The following NXPH1 variants were observed in gnomAD, a reference collection of about 807,000 sequenced individuals.
NXPH1 encodes neurexophilin-1.
A neutral mutation model predicts 23.7 loss-of-function variants in NXPH1; 5 were observed. The observed-to-expected ratio is 0.21, with a 90% CI of 0.11 to 0.44. The LOEUF (loss-of-function observed/expected upper bound fraction) is 0.44, where lower values mean the gene tolerates loss of function less well. NXPH1 is among the 20% of genes least tolerant of loss of function. NXPH1 has a pLI of 0.99. For missense variants in NXPH1, 324 were observed against 321.6 expected, an observed-to-expected ratio of 1.01 and a Z score of -0.06; for synonymous variants, 144 against 122.2, an observed-to-expected ratio of 1.18 and a Z score of -1.18.
intron 2 of NXPH1, among the ~76,000 whole-genome samples, chr7:8,736,726 G>C (rs1025170813): frequency 6.6e-6 from 1 of 152,100 alleles, no homozygotes; most frequent in Non-Finnish European, 1.5e-5. Context: ...ATTGACAGTG[G>C]GGTGTTAAAG....
intron 2 of NXPH1, among the ~76,000 whole-genome samples, chr7:8,687,444 T>A (rs956611151): frequency 6.6e-6 from 1 of 152,180 alleles, no homozygotes; most frequent in South Asian, 2.1e-4. Flanking sequence ...AAAGTCAACA[T>A]GTAGACATTT....
intron 2 of NXPH1, among the ~76,000 whole-genome samples, chr7:8,653,638 A>C (rs1373547755): frequency 1.3e-5 from 2 of 152,170 alleles, no homozygotes; most frequent in Non-Finnish European, 2.9e-5. Flanking sequence ...CCAACAAGCT[A>C]TTCTATATAC....
intron 2 of NXPH1, among the ~76,000 whole-genome samples, chr7:8,677,688 A>T (rs749897849): frequency 2.0e-5 from 3 of 152,218 alleles, no homozygotes; most frequent in Non-Finnish European, 4.4e-5. Context: ...TTCCAACTAT[A>T]CAAGGCACTA....
At chr7:8,441,640 C>A (rs1284983388) in intron 2 of NXPH1, among the ~76,000 whole-genome samples, 1 of 152,112 alleles carries the variant, frequency 6.6e-6, no homozygotes, top group African/African-American at 2.4e-5. Context: ...TGAGGAAATG[C>A]CAACCCAGAT....
intron 2 of NXPH1, among the ~76,000 whole-genome samples, chr7:8,591,602 T>C (rs898847412): frequency 2.0e-5 from 3 of 152,076 alleles, no homozygotes; most frequent in African/African-American, 7.2e-5. Flanking sequence ...AACTTTGTGT[T>C]TCCATTCCAT....
At chr7:8,668,697 T>C (rs1292005061) in intron 2 of NXPH1, among the ~76,000 whole-genome samples, 1 of 152,184 alleles carries the variant, frequency 6.6e-6, no homozygotes, top group Non-Finnish European at 1.5e-5. Context: ...GACCTGGGTC[T>C]ACTAGAACAG....
chr7:8,603,352 T>C (rs988465583), intron 2 of NXPH1, among the ~76,000 whole-genome samples: 1 of 152,190 alleles, frequency 6.6e-6, no homozygotes, highest in African/African-American at 2.4e-5. Context: ...TATTACAGAG[T>C]GTTCTTAGTG....
At chr7:8,577,346 G>A (rs879939422) in intron 2 of NXPH1, among the ~76,000 whole-genome samples, 5 of 152,188 alleles carry the variant, frequency 3.3e-5, no homozygotes, top group Non-Finnish European at 7.3e-5. Flanking sequence ...GCAGGGGTAT[G>A]TGTCTTCTCC....
intron 2 of NXPH1, among the ~76,000 whole-genome samples, chr7:8,710,767 A>G (rs1779779892): frequency 7.7e-6 from 1 of 129,366 alleles, no homozygotes; most frequent in African/African-American, 3.4e-5. Context: ...GGTTCACGCC[A>G]TTCTCCTGCC....
chr7:8,665,943 C>A (rs1409468462), intron 2 of NXPH1, among the ~76,000 whole-genome samples: 1 of 53,632 alleles, frequency 1.9e-5, no homozygotes, highest in Non-Finnish European at 4.1e-5. Flanking sequence ...TTGAAGGAGT[C>A]TTTGGGTTTT....
At chr7:8,511,363 C>A (rs200433313) in intron 2 of NXPH1, among the ~76,000 whole-genome samples, 1 of 152,230 alleles carries the variant, frequency 6.6e-6, no homozygotes, top group East Asian at 1.9e-4. Flanking sequence ...CATTTCCTTT[C>A]TGCATGTGGA....
At chr7:8,724,583 C>T (rs930797628) in intron 2 of NXPH1, among the ~76,000 whole-genome samples, 1 of 152,190 alleles carries the variant, frequency 6.6e-6, no homozygotes, top group African/African-American at 2.4e-5. Context: ...TATCTTACAG[C>T]ATCTCTAGTC....
intron 2 of NXPH1, among the ~76,000 whole-genome samples, chr7:8,499,864 G>T (rs1305631018): frequency 6.6e-6 from 1 of 152,060 alleles, no homozygotes; most frequent in Non-Finnish European, 1.5e-5. Flanking sequence ...GAAGGACTGG[G>T]CCAGCAAAGA....
intron 2 of NXPH1, among the ~76,000 whole-genome samples, chr7:8,733,276 C>T (rs181465036): frequency 1.1e-3 from 164 of 152,298 alleles, no homozygotes; most frequent in African/African-American, 3.8e-3. Flanking sequence ...TCCAGTCTAT[C>T]ATTGATGGGC....
chr7:8,518,085 TA>T, intron 2 of NXPH1, among the ~76,000 whole-genome samples: 1 of 152,312 alleles, frequency 6.6e-6, no homozygotes, highest in Middle Eastern at 3.4e-3. Flanking sequence ...TGCCTTCATC[TA>T]AATTATGACA....
At chr7:8,596,797 C>T (rs1444754498) in intron 2 of NXPH1, among the ~76,000 whole-genome samples, 1 of 152,060 alleles carries the variant, frequency 6.6e-6, no homozygotes, top group African/African-American at 2.4e-5. Flanking sequence ...ACTCTGAAGC[C>T]TGTGTTCTGA....
chr7:8,516,886 A>C (rs1337782919), intron 2 of NXPH1, among the ~76,000 whole-genome samples: 1 of 152,192 alleles, frequency 6.6e-6, no homozygotes, highest in East Asian at 1.9e-4. Flanking sequence ...GAAAGAGGGC[A>C]GATCTTTTCC....
intron 2 of NXPH1, among the ~76,000 whole-genome samples, chr7:8,594,463 A>G (rs2128625950): frequency 6.6e-6 from 1 of 152,158 alleles, no homozygotes; most frequent in East Asian, 1.9e-4. Context: ...ATATTTTTTT[A>G]ACTACAGTGT....
chr7:8,495,604 A>C (rs922396386), intron 2 of NXPH1, among the ~76,000 whole-genome samples: 1 of 151,974 alleles, frequency 6.6e-6, no homozygotes, highest in Non-Finnish European at 1.5e-5. Flanking sequence ...TCTATGGAGA[A>C]GGAAGAGGAA....
Sources: allele counts gnomAD v4.1 joint callset (sites outside exome capture counted in the v4.1 genomes callset), GRCh38; gene constraint gnomAD v4.1.1; transcripts MANE v1.5; gene names NCBI Gene and HGNC (gene_info 2026-07-23, HGNC 2026-07-21).